GAN: variants seen among roughly 807,000 people sequenced by gnomAD.
GAN encodes epididymis secretory sperm binding protein.
In GAN, 48 loss-of-function variants were observed where a neutral mutation model predicts 71.3. That is an observed-to-expected ratio of 0.67 (90% CI 0.53 to 0.86). GAN has a LOEUF of 0.86. GAN is among the 40% of genes least tolerant of loss of function. The pLI is 0.00. For missense variants in GAN, 928 were observed against 770.1 expected, an observed-to-expected ratio of 1.21 and a Z score of -2.43; for synonymous variants, 386 against 276.8, an observed-to-expected ratio of 1.39 and a Z score of -3.92.
chr16:81,346,202 C>T (rs1311996199), intron 1 of GAN, among the ~76,000 whole-genome samples: 2 of 152,156 alleles, frequency 1.3e-5, no homozygotes, highest in Non-Finnish European at 1.5e-5. Flanking sequence ...TTATTAACTA[C>T]AGCAGGAGAT....
chr16:81,365,331 G>C lies in GAN; in HGVS notation c.1374-19G>C. ...CATTGTACAGCTTGTGCCTGATAACGCTGTGTGTGGCCTTTCAGGTTTGGA... is the reference window on the plus strand; with the variant it reads ...CATTGTACAGCTTGTGCCTGATAACCCTGTGTGTGGCCTTTCAGGTTTGGA... On this transcript the variant is annotated intron_variant, in intron 8 of 10. Coordinates refer to ENST00000648994, the MANE Select transcript of GAN (RefSeq NM_022041.4). 1.2e-6 allele frequency: 2 copies of C among 1,613,810 alleles called. No homozygotes were observed. The highest frequency in any genetic ancestry group is 1.1e-5 in the South Asian group (1 of 91,044).
intron 9 of GAN, among the ~76,000 whole-genome samples, chr16:81,373,457 G>C (rs1252836096): frequency 6.6e-6 from 1 of 152,166 alleles, no homozygotes; most frequent in Non-Finnish European, 1.5e-5. Context: ...CTTTTATTTT[G>C]GAATAATACT....
rs1171149062 is a variant in GAN at position 81,382,034 on chromosome 16, A to G, written c.*4438A>G. The G allele has an allele frequency of 1.3e-5, 2 of 152,186 alleles. No homozygotes were observed. The highest frequency in any genetic ancestry group is 4.8e-5 in the African/African-American group (2 of 41,416). 9.4% of individuals were successfully genotyped at this position (152,186 alleles called of 1,614,324 possible). A position where few individuals can be genotyped will look rare whatever the true frequency, so the allele number is the denominator to read the frequency against. ...CTCAGCACAGCTTATAATGTTGATC[A>G]TGTTTAGTATTGGGCTTTATTGACT... is the stretch of plus-strand genomic sequence containing the variant. On this transcript the variant is annotated 3_prime_UTR_variant, in exon 11 of 11. Coordinates refer to ENST00000648994, the MANE Select transcript of GAN (RefSeq NM_022041.4).
intron 9 of GAN, among the ~76,000 whole-genome samples, chr16:81,375,594 G>C (rs1448076241): frequency 1.3e-5 from 2 of 151,976 alleles, no homozygotes; most frequent in East Asian, 3.9e-4. Flanking sequence ...CCAAAGTATT[G>C]GGATTGCAGA....
intron 1 of GAN, 71 bp from the exon 2 acceptor site, chr16:81,351,512 T>C: frequency 1.3e-6 from 1 of 765,368 alleles, no homozygotes; most frequent in Non-Finnish European, 2.4e-6. Context: ...GTTATAGAGT[T>C]TTGAGTACAT....
Position 81,335,172 on chromosome 16 carries a change from C to A in GAN, c.168-16411C>A, listed in dbSNP as rs149859887. Among the ~76,000 whole-genome samples, 333 of 151,174 alleles carry A rather than the reference C, an allele frequency of 2.2e-3. 3 individuals carry two copies. Among genetic ancestry groups the A allele is most frequent in the African/African-American group, 7.7e-3 (315 of 41,158 alleles). On this transcript the variant is annotated intron_variant, in intron 1 of 10. Coordinates refer to ENST00000648994, the MANE Select transcript of GAN (RefSeq NM_022041.4). Reference sequence around the variant, plus strand: ...GGGGTGGGGGGAGGGGTGTTCCAGGCAGGGAGGAGGTCAGGACAAGCTGGG... The same window carrying A: ...GGGGTGGGGGGAGGGGTGTTCCAGGAAGGGAGGAGGTCAGGACAAGCTGGG...
chr16:81,323,629 A>G (rs767815272), intron 1 of GAN, among the ~76,000 whole-genome samples: 4 of 152,186 alleles, frequency 2.6e-5, no homozygotes, highest in Non-Finnish European at 4.4e-5. Context: ...GGGACCTTCT[A>G]TATAATTAGG....
chr16:81,351,796 A>G (rs545269994), intron 2 of GAN, 99 bp downstream of exon 2: 12 of 756,840 alleles, frequency 1.6e-5, no homozygotes, highest in South Asian at 1.4e-4. Context: ...TAGCACTGTC[A>G]TCTTCATCTT....
At chr16:81,347,323 C>G (rs550805152) in intron 1 of GAN, among the ~76,000 whole-genome samples, 1 of 152,156 alleles carries the variant, frequency 6.6e-6, no homozygotes, top group African/African-American at 2.4e-5. Flanking sequence ...TCTAAATACC[C>G]TCTGTATACT....
Position 81,365,607 on chromosome 16 carries a change from A to G in GAN, c.1502+129A>G, listed in dbSNP as rs546830463. Reference sequence around the variant, plus strand: ...GGATTTAGGAGATAACGTCTCATGCATACTAGATATTTATTCAGTGACTTC... The same window carrying G: ...GGATTTAGGAGATAACGTCTCATGCGTACTAGATATTTATTCAGTGACTTC... On this transcript the variant is annotated intron_variant, in intron 9 of 10. Transcript: ENST00000648994. The G allele has an allele frequency of 2.6e-5, 23 of 878,210 alleles. No individual in the cohort carries two copies. In the East Asian group the frequency reaches 5.4e-4, roughly 21 times the overall value. The allele number at this position is 878,210 out of a possible 1,614,324, so 54.4% of individuals were successfully genotyped here. A position where few individuals can be genotyped will look rare whatever the true frequency, so the allele number is the denominator to read the frequency against.
rs146629249 is a variant in GAN at position 81,351,653 on chromosome 16, G to C, written c.238G>C (p.Val80Leu). ...TAAGATTGAACTTGAAGGGATATCG[G>C]TAATGGTTATGAGAGAGATCCTGGA... is the stretch of plus-strand genomic sequence containing the variant. The part of the protein sequence containing the change: ...TYKIELEGIS[V>L]MVMREILDYI... Residue 80 changes from valine to leucine, a missense_variant, in exon 2 of 11, where the codon GTA becomes CTA. By Grantham distance (32) the Val-to-Leu change is conservative (BLOSUM62 1). Coordinates refer to ENST00000648994, the MANE Select transcript of GAN (RefSeq NM_022041.4). 8 of 1,561,240 alleles carry C rather than the reference G, an allele frequency of 5.1e-6. No individual in the cohort carries two copies. In the African/African-American group the frequency reaches 9.5e-5, roughly 18 times the overall value.
intron 5 of GAN, among the ~76,000 whole-genome samples, chr16:81,360,771 C>G (rs946594025): frequency 6.6e-6 from 1 of 151,714 alleles, no homozygotes. Context: ...AGACTTTATT[C>G]TTCATCACCC....
At position 81,362,547 on chromosome 16, in the gene GAN, T is replaced by C. The variant is rs1555511769; in HGVS notation, c.1022T>C (p.Leu341Pro). The change falls in exon 6 of 11, where the codon CTT (leucine) becomes CCT (proline). Residue 341 changes from leucine (L) to proline (P), a missense_variant. Leu to Pro is a moderately conservative substitution (Grantham distance 98, BLOSUM62 -3). Transcript: ENST00000648994. The stretch of plus-strand genomic sequence containing the variant: ...GGCCAAGATGAAAATAAGCAGACTC[T>C]TAGCTCAGGAGAAAAGTATGATCCA... ...FGGQDENKQT[L>P]SSGEKYDPDA... The C allele has an allele frequency of 1.2e-6, 2 of 1,611,236 alleles. No individual in the cohort carries two copies. Among genetic ancestry groups the C allele is most frequent in the Non-Finnish European group, 1.7e-6 (2 of 1,177,300 alleles).
chr16:81,372,712 T>A (rs1412084015), intron 9 of GAN, among the ~76,000 whole-genome samples: 1 of 152,224 alleles, frequency 6.6e-6, no homozygotes, highest in Non-Finnish European at 1.5e-5. Flanking sequence ...TGTTGGTTGG[T>A]TTCATTCAGA....
At chr16:81,374,481 A>G (rs1359406884) in intron 9 of GAN, among the ~76,000 whole-genome samples, 1 of 152,158 alleles carries the variant, frequency 6.6e-6, no homozygotes, top group East Asian at 1.9e-4. Flanking sequence ...TGTTCCCGTC[A>G]TTCCTTCTGC....
At chr16:81,368,732 C>A (rs141352213) in intron 9 of GAN, among the ~76,000 whole-genome samples, 49 of 152,320 alleles carry the variant, frequency 3.2e-4, no homozygotes, top group Non-Finnish European at 5.3e-4. Flanking sequence ...CCGCTGCTAC[C>A]CTCACAGTTA....
intron 1 of GAN, among the ~76,000 whole-genome samples, chr16:81,342,821 A>G (rs565454368): frequency 1.5e-3 from 226 of 152,356 alleles, no homozygotes; most frequent in Non-Finnish European, 2.6e-3. Flanking sequence ...ACCCTTCAAA[A>G]AATCAATGAA....
chr16:81,375,444 C>T (rs1904277277), intron 9 of GAN, among the ~76,000 whole-genome samples: 1 of 150,702 alleles, frequency 6.6e-6, no homozygotes, highest in Non-Finnish European at 1.5e-5. Flanking sequence ...TCAAGCAATC[C>T]TCCCACCTCA....
intron 1 of GAN, among the ~76,000 whole-genome samples, chr16:81,343,179 C>T (rs200705646): frequency 7.2e-5 from 11 of 152,132 alleles, no homozygotes; most frequent in Admixed American, 2.6e-4. Context: ...GACGGATTCA[C>T]AGCCGAGTTC....
Sources: allele counts gnomAD v4.1 joint callset (sites outside exome capture counted in the v4.1 genomes callset), GRCh38; gene constraint gnomAD v4.1.1; transcripts MANE v1.5; gene names NCBI Gene and HGNC (gene_info 2026-07-23, HGNC 2026-07-21).